FBN2: variants seen among roughly 807,000 people sequenced by gnomAD.
The protein encoded by FBN2 is fibrillin 2, also known as fibrillin-2.
In FBN2, 105 loss-of-function variants were observed where a neutral mutation model predicts 355.6. The observed-to-expected ratio is 0.30, with a 90% CI of 0.25 to 0.35. The LOEUF is 0.35. Ranked by LOEUF, FBN2 falls within the 10% of genes least tolerant of loss-of-function variation. The pLI is 1.00. For missense variants in FBN2, 3,280 were observed against 3,758.7 expected, an observed-to-expected ratio of 0.87 and a Z score of 3.33; for synonymous variants, 1,350 against 1,301.2, an observed-to-expected ratio of 1.04 and a Z score of -0.81.
chr5:128,507,172 T>C (rs1445048477), intron 5 of FBN2, among the ~76,000 whole-genome samples: 2 of 152,074 alleles, frequency 1.3e-5, no homozygotes, highest in Admixed American at 6.5e-5. Context: ...AAATGTTTGG[T>C]AGAATTCACC....
chr5:128,325,873 A>G (rs748718988), intron 34 of FBN2, among the ~76,000 whole-genome samples: 1 of 151,862 alleles, frequency 6.6e-6, no homozygotes, highest in Non-Finnish European at 1.5e-5. Context: ...ATTTTGCTGT[A>G]TTGGTCCCCA....
chr5:128,527,984 C>T lies in FBN2; in HGVS notation c.437-17G>A, dbSNP rs1426638400. 1.3e-6 allele frequency: 2 copies of T among 1,570,176 alleles called. No homozygotes were observed. Among genetic ancestry groups the T allele is most frequent in the Admixed American group, 3.3e-5 (2 of 59,712 alleles). ...ACTGCTGAACTGCAAAGAGCAATAA[C>T]AAAAAGTATAAAAACATCAGTCATC... On this transcript the variant is annotated splice_polypyrimidine_tract_variant and intron_variant, in intron 3 of 64. Transcript: ENST00000262464.
intron 48 of FBN2, among the ~76,000 whole-genome samples, chr5:128,299,564 G>A (rs139645414): frequency 0.043 from 6,479 of 152,190 alleles, 439 homozygotes; most frequent in African/African-American, 0.14. Context: ...CGCAGTATTC[G>A]GGTGGAAGTG....
At chr5:128,382,465 A>G (rs548276876) in intron 11 of FBN2, among the ~76,000 whole-genome samples, 1 of 152,124 alleles carries the variant, frequency 6.6e-6, no homozygotes, top group Admixed American at 6.6e-5. Flanking sequence ...TCAGCTTGGG[A>G]CACAGTATTC....
At chr5:128,504,315 A>G (rs942899124) in intron 5 of FBN2, among the ~76,000 whole-genome samples, 24 of 152,258 alleles carry the variant, frequency 1.6e-4, no homozygotes, top group African/African-American at 5.5e-4. Context: ...TGGAGCTGTG[A>G]GAAGAGGGCC....
chr5:128,344,604 T>C, intron 24 of FBN2, 94 bp from the exon 25 acceptor site: 2 of 1,166,852 alleles, frequency 1.7e-6, no homozygotes, highest in Non-Finnish European at 1.3e-6. Flanking sequence ...TGGACAACAG[T>C]AATGCATCCA....
intron 16 of FBN2, among the ~76,000 whole-genome samples, chr5:128,367,203 ATAGT>A (rs1289027715): frequency 6.6e-6 from 1 of 152,138 alleles, no homozygotes; most frequent in Non-Finnish European, 1.5e-5. Context: ...AAGGTTTTAG[ATAGT>A]TCTTCCCCTC....
At chr5:128,364,502 C>T in intron 18 of FBN2, 98 bp downstream of exon 18, 1 of 1,270,630 alleles carries the variant, frequency 7.9e-7, no homozygotes. Flanking sequence ...AAAAACTGTA[C>T]AATTTTTAGT....
intron 7 of FBN2, among the ~76,000 whole-genome samples, chr5:128,410,264 CTGTTGCATCCTGTGTTGCTATCTTAG>C (rs1326325775): frequency 6.6e-6 from 1 of 152,188 alleles, no homozygotes; most frequent in Non-Finnish European, 1.5e-5. Context: ...AAATTAGGTC[CTGTTGCATCCTGTGTTGCTATCTTAG>C]TGCAGTGCAT....
Position 128,261,775 on chromosome 5 carries a change from G to A in FBN2, c.8325C>T (p.Ser2775=), listed in dbSNP as rs368712261. The change falls in exon 64 of 65, where the codon AGC becomes AGT. Residue 2775 remains serine (S), a synonymous_variant. Transcript: ENST00000262464. The part of the protein sequence containing the change: ...CKINGYSKKD[S]RQKRSIHEPD... ...GTTCATGAATACTTCTCTTCTGCCT[G>A]CTGTCTTTCTTAGAATAGCCGTTGA... The A allele has an allele frequency of 1.2e-6, 2 of 1,614,056 alleles. No individual in the cohort carries two copies. The highest frequency in any genetic ancestry group is 2.7e-5 in the African/African-American group (2 of 74,942).
chr5:128,279,368 T>A (rs1160037804), intron 56 of FBN2, among the ~76,000 whole-genome samples: 1 of 152,158 alleles, frequency 6.6e-6, no homozygotes, highest in Non-Finnish European at 1.5e-5. Flanking sequence ...TAATACAGTT[T>A]TATAAACAAT....
intron 5 of FBN2, among the ~76,000 whole-genome samples, chr5:128,513,969 C>T (rs143513147): frequency 6.6e-6 from 1 of 152,064 alleles, no homozygotes; most frequent in East Asian, 1.9e-4. Flanking sequence ...CTAAGTTTAG[C>T]TTAGAGAGTG....
rs758036553 is a variant in FBN2 at position 128,345,484 on chromosome 5, C to T, written c.3090G>A (p.Gly1030=). 24 of 1,614,040 alleles carry T rather than the reference C, an allele frequency of 1.5e-5. 2 individuals are homozygous for T. The South Asian group carries it at 2.1e-4, about 14-fold the overall frequency. Residue 1030 remains glycine (G), a synonymous_variant, in exon 24 of 65, where the codon GGG becomes GGA. Transcript: ENST00000262464. ...CCTCACACTCGGTGCCCCAAGCCGC[C>T]CCGACAGCACAGCAGCAGGCATCCA... ...FRMDACCCAV[G]AAWGTECEEC... is the part of the protein sequence containing the mutation.
chr5:128,518,706 A>T (rs1326264927), intron 5 of FBN2, among the ~76,000 whole-genome samples: 2 of 152,166 alleles, frequency 1.3e-5, no homozygotes, highest in Non-Finnish European at 2.9e-5. Context: ...TTCCTTAGTG[A>T]CTGCTGACAG....
intron 49 of FBN2, 60 bp downstream of exon 49, chr5:128,291,469 C>T: frequency 6.3e-7 from 1 of 1,589,138 alleles, no homozygotes; most frequent in Non-Finnish European, 8.6e-7. Context: ...TGATGGTTTA[C>T]AATTCAGCTT....
At chr5:128,276,362 G>A (rs1209074081) in intron 58 of FBN2, among the ~76,000 whole-genome samples, 1 of 152,112 alleles carries the variant, frequency 6.6e-6, no homozygotes, top group Non-Finnish European at 1.5e-5. Context: ...TGGATCTTGG[G>A]TAAATATTAT....
At chr5:128,506,674 C>T (rs1755970614) in intron 5 of FBN2, among the ~76,000 whole-genome samples, 1 of 152,062 alleles carries the variant, frequency 6.6e-6, no homozygotes, top group Admixed American at 6.5e-5. Context: ...TTGCTAGGAC[C>T]AAACAGTGCA....
At chr5:128,307,955 T>C (rs1192548034) in intron 41 of FBN2, among the ~76,000 whole-genome samples, 4 of 152,114 alleles carry the variant, frequency 2.6e-5, no homozygotes, top group African/African-American at 9.7e-5. Context: ...CATCAATATA[T>C]ACCGAGTATT....
chr5:128,499,148 G>A (rs1213396204), intron 5 of FBN2, among the ~76,000 whole-genome samples: 8 of 152,072 alleles, frequency 5.3e-5, no homozygotes, highest in Non-Finnish European at 8.8e-5. Flanking sequence ...CAAATCCAGC[G>A]TTGCCTCATC....
Sources: gnomAD v4.1 joint callset for allele counts (sites outside exome capture counted in the v4.1 genomes callset) on GRCh38, gnomAD v4.1.1 for gene constraint, MANE v1.5 for transcripts, NCBI Gene and HGNC (gene_info 2026-07-23, HGNC 2026-07-21) for gene names.